Variants in DPP10 observed in about 807,000 individuals in gnomAD.
DPP10 encodes the protein inactive dipeptidyl peptidase 10.
DPP10 carries 33 observed loss-of-function variants against 120.9 expected under a neutral mutation model. The observed-to-expected ratio is 0.27, with a 90% CI of 0.21 to 0.37. The LOEUF (loss-of-function observed/expected upper bound fraction) is 0.37. Ranked by LOEUF, DPP10 falls within the 10% of genes least tolerant of loss-of-function variation. The pLI is 1.00. For missense variants in DPP10, 816 were observed against 942.8 expected (o/e 0.87, Z 1.76); for synonymous variants, 337 against 326.1 (o/e 1.03, Z -0.36).
chr2:114,903,110 G>C (rs935709998), intron 1 of DPP10, among the ~76,000 whole-genome samples: 1 of 151,772 alleles, frequency 6.6e-6, no homozygotes, highest in Non-Finnish European at 1.5e-5. Context: ...TTTTCTTCAT[G>C]CCTTTTTATG....
intron 5 of DPP10, among the ~76,000 whole-genome samples, chr2:115,589,215 C>T (rs1413535389): frequency 6.6e-6 from 1 of 152,136 alleles, no homozygotes; most frequent in African/African-American, 2.4e-5. Flanking sequence ...AATGTCAAAC[C>T]AAACCCAGAT....
chr2:114,899,674 A>G (rs1222282379), intron 1 of DPP10, among the ~76,000 whole-genome samples: 1 of 151,978 alleles, frequency 6.6e-6, no homozygotes, highest in Non-Finnish European at 1.5e-5. Flanking sequence ...TATTCGTGTT[A>G]GGGCCAGGCG....
At chr2:114,760,791 C>T (rs1401492173) in intron 1 of DPP10, among the ~76,000 whole-genome samples, 1 of 151,860 alleles carries the variant, frequency 6.6e-6, no homozygotes, top group South Asian at 2.1e-4. Context: ...AGGATAAAAG[C>T]GCAACTCGAT....
intron 1 of DPP10, among the ~76,000 whole-genome samples, chr2:115,261,841 G>A (rs1248790153): frequency 6.6e-6 from 1 of 152,160 alleles, no homozygotes; most frequent in Non-Finnish European, 1.5e-5. Flanking sequence ...AAAGATACAA[G>A]CTTCCTCCTA....
intron 5 of DPP10, among the ~76,000 whole-genome samples, chr2:115,648,031 A>T (rs1575432703): frequency 6.6e-6 from 1 of 152,068 alleles, no homozygotes; most frequent in East Asian, 1.9e-4. Flanking sequence ...AACTTATTTT[A>T]TGTTGTTACT....
At chr2:114,636,244 A>C (rs1695294354) in intron 1 of DPP10, among the ~76,000 whole-genome samples, 1 of 151,986 alleles carries the variant, frequency 6.6e-6, no homozygotes, top group African/African-American at 2.4e-5. Flanking sequence ...GCTTTATATA[A>C]ACTTCCCATT....
intron 1 of DPP10, among the ~76,000 whole-genome samples, chr2:114,590,124 T>C (rs890032392): frequency 1.3e-5 from 2 of 152,136 alleles, no homozygotes; most frequent in African/African-American, 2.4e-5. Context: ...AATATTATTA[T>C]AAATAATTGC....
chr2:114,921,417 ATAT>A (rs779021534), intron 1 of DPP10, among the ~76,000 whole-genome samples: 5 of 152,210 alleles, frequency 3.3e-5, no homozygotes, highest in Non-Finnish European at 7.3e-5. Context: ...TGCATTTCAA[ATAT>A]TGTGTGTTTA....
At chr2:115,026,828 G>A (rs980112080) in intron 1 of DPP10, among the ~76,000 whole-genome samples, 3 of 152,010 alleles carry the variant, frequency 2.0e-5, no homozygotes, top group Non-Finnish European at 4.4e-5. Flanking sequence ...GAGCCACTGT[G>A]CTCAGCCTGT....
chr2:115,711,913 CTGGT>C (rs747942474), intron 7 of DPP10, among the ~76,000 whole-genome samples: 9 of 68,590 alleles, frequency 1.3e-4, no homozygotes, highest in Middle Eastern at 0.014. Context: ...ATAAAATGGT[CTGGT>C]TTTTTTTTTT....
At chr2:115,688,211 C>A (rs905300290) in intron 5 of DPP10, among the ~76,000 whole-genome samples, 1 of 152,140 alleles carries the variant, frequency 6.6e-6, no homozygotes, top group African/African-American at 2.4e-5. Flanking sequence ...ACAGCCCTAT[C>A]ACAAAGGCAA....
intron 1 of DPP10, among the ~76,000 whole-genome samples, chr2:114,544,221 A>G (rs1184209626): frequency 6.6e-6 from 1 of 152,166 alleles, no homozygotes; most frequent in Admixed American, 6.5e-5. Flanking sequence ...AGTGGTCAGG[A>G]TGGGTTCCAT....
chr2:114,569,822 A>C (rs1031657331), intron 1 of DPP10, among the ~76,000 whole-genome samples: 10 of 152,166 alleles, frequency 6.6e-5, no homozygotes, highest in Admixed American at 5.9e-4. Flanking sequence ...TCACACTCAC[A>C]CACACACACA....
intron 5 of DPP10, among the ~76,000 whole-genome samples, chr2:115,531,358 C>CAA (rs1412172119): frequency 4.6e-5 from 7 of 152,044 alleles, no homozygotes; most frequent in Non-Finnish European, 1.5e-5. Flanking sequence ...GACCTGATTC[C>CAA]TTAAACTGCA....
chr2:115,339,515 AG>A (rs2063334720), intron 2 of DPP10, among the ~76,000 whole-genome samples: 1 of 152,228 alleles, frequency 6.6e-6, no homozygotes, highest in South Asian at 2.1e-4. Context: ...AAATGTTTAT[AG>A]TAACTTTATT....
In DPP10 at chr2:115,515,793, T is replaced by C. The variant is rs544791635; in HGVS notation, c.367-10105T>C. Among the ~76,000 whole-genome samples the C allele has an allele frequency of 6.6e-5, 10 of 152,208 alleles. No individual in the cohort carries two copies. The East Asian group carries it at 1.9e-3, about 29-fold the overall frequency. ...ATTAACTCATTCAGTTATAAACACC[T>C]GTTTAATAAAATTGGAGGAATCATC... On this transcript the variant is annotated intron_variant, in intron 4 of 25. Coordinates refer to ENST00000410059, the MANE Select transcript of DPP10 (RefSeq NM_020868.6).
chr2:115,036,227 C>T (rs1419040579), intron 1 of DPP10, among the ~76,000 whole-genome samples: 1 of 152,156 alleles, frequency 6.6e-6, no homozygotes, highest in African/African-American at 2.4e-5. Flanking sequence ...ATGAGACTCA[C>T]TCACTATCAC....
chr2:115,791,842 A>G (rs1684025327), intron 19 of DPP10, among the ~76,000 whole-genome samples: 1 of 152,118 alleles, frequency 6.6e-6, no homozygotes, highest in African/African-American at 2.4e-5. Context: ...ATCTTTATAC[A>G]TTTTGTAAGG....
intron 5 of DPP10, among the ~76,000 whole-genome samples, chr2:115,656,978 G>A (rs1251701104): frequency 9.9e-5 from 15 of 151,362 alleles, no homozygotes; most frequent in African/African-American, 3.4e-4. Context: ...AATAAGTTCT[G>A]AATATCTGAT....
Sources: gnomAD v4.1 joint callset for allele counts (sites outside exome capture counted in the v4.1 genomes callset) on GRCh38, gnomAD v4.1.1 for gene constraint, MANE v1.5 for transcripts, NCBI Gene and HGNC (gene_info 2026-07-23, HGNC 2026-07-21) for gene names.